The following EIF4E1B variants were observed in gnomAD, a reference collection of about 807,000 sequenced individuals.
The protein encoded by EIF4E1B is eukaryotic translation initiation factor 4E family member 1B.
In EIF4E1B, 22 loss-of-function variants were observed where a neutral mutation model predicts 31.3. That is an observed-to-expected ratio of 0.70 (90% CI 0.50 to 1.00). The LOEUF (loss-of-function observed/expected upper bound fraction) is 1.00, where lower values mean the gene tolerates loss of function less well. Among genes scored for constraint, EIF4E1B ranks in the 50% least tolerant of loss-of-function variants. EIF4E1B has a pLI of 0.00. For synonymous variants in EIF4E1B, 126 were observed against 120.2 expected (o/e 1.05, Z -0.31); for missense variants, 290 against 311.6 (o/e 0.93, Z 0.52).
chr5:176,645,335 T>C lies in EIF4E1B; in HGVS notation c.475-42T>C. 6.5e-7 allele frequency: 1 copy of C among 1,550,086 alleles called. No individual in the cohort carries two copies. The highest frequency in any genetic ancestry group is 8.7e-7 in the Non-Finnish European group (1 of 1,144,508). Reference sequence around the variant, plus strand: ...CTCAAGGATGGCAGGCCAGTCCCTATGTCCCAGCCGGTGATCTCACAACCC... The same window carrying C: ...CTCAAGGATGGCAGGCCAGTCCCTACGTCCCAGCCGGTGATCTCACAACCC... On this transcript the variant is annotated intron_variant, in intron 7 of 8. Transcript: ENST00000318682. The surrounding 1 kb of genome is among the most constrained non-coding windows in gnomAD (Gnocchi z 5.4).
Position 176,645,705 on chromosome 5 carries a change from T to G in EIF4E1B, c.615-161T>G. The G allele has an allele frequency of 1.8e-6, 2 of 1,110,148 alleles. No individual in the cohort carries two copies. Among genetic ancestry groups the G allele is most frequent in the South Asian group, 3.6e-5 (2 of 54,862 alleles). 68.8% of individuals were successfully genotyped at this position (1,110,148 alleles called of 1,614,324 possible). A position where few individuals can be genotyped will look rare whatever the true frequency, so the allele number is the denominator to read the frequency against. On this transcript the variant is annotated intron_variant, in intron 8 of 8. Transcript: ENST00000318682. The surrounding 1 kb of genome is among the most constrained non-coding windows in gnomAD (Gnocchi z 5.4). ...TTCTCTTACGGCAGTGCAGCTCTCC[T>G]TTTGCATTAAGGGGGTCATATTTTG...
In EIF4E1B at chr5:176,638,283, G is replaced by T. The variant is rs1213648492; in HGVS notation, c.-201-3760G>T. Among the ~76,000 whole-genome samples, 9 of 152,174 alleles carry T rather than the reference G, an allele frequency of 5.9e-5. No individual in the cohort carries two copies. The highest frequency in any genetic ancestry group is 5.9e-4 in the Admixed American group (9 of 15,278). On this transcript the variant is annotated intron_variant, in intron 1 of 8. Transcript: ENST00000318682. This position sits in a 1 kb window ranked among gnomAD's most constrained non-coding sequence, Gnocchi z 4.3. The stretch of plus-strand genomic sequence containing the variant: ...CATTACTGGATAAGGGCATGAAACA[G>T]CAAGTACTGACAGAACAGACAAGAG...
chr5:176,637,651 C>G (rs950668190), intron 1 of EIF4E1B, among the ~76,000 whole-genome samples: 1 of 152,042 alleles, frequency 6.6e-6, no homozygotes, highest in African/African-American at 2.4e-5. Context: ...GAGGGGACAG[C>G]CTCTGGAAGT....
intron 5 of EIF4E1B, 183 bp downstream of exon 5, chr5:176,643,917 G>C: frequency 1.6e-6 from 1 of 634,692 alleles, no homozygotes; most frequent in Non-Finnish European, 2.7e-6. Context: ...TTGGGCTCAG[G>C]GAGAGAGCCT....
intron 3 of EIF4E1B, 49 bp downstream of exon 3, chr5:176,642,851 T>TGCCCCCCCCCC: frequency 1.0e-6 from 1 of 998,544 alleles, no homozygotes; most frequent in East Asian, 5.6e-5. Flanking sequence ...CCCCGCCCTC[T>TGCCCCCCCCCC]CCCCCCCCCC....
At chr5:176,635,102 TGAAAA>T (rs1490832735) in intron 1 of EIF4E1B, among the ~76,000 whole-genome samples, 2 of 148,640 alleles carry the variant, frequency 1.3e-5, no homozygotes, top group African/African-American at 2.5e-5. Flanking sequence ...GCACGGAGAG[TGAAAA>T]GAAGAGAGTG....
Position 176,641,321 on chromosome 5 carries a change from C to A in EIF4E1B, c.-201-722C>A, listed in dbSNP as rs568794046. Reference sequence around the variant, plus strand: ...CCCGCCTGGGCAGCTGGAGTGAGACCTTGCCTGAAAACAATATAAATAAAT... The same window carrying A: ...CCCGCCTGGGCAGCTGGAGTGAGACATTGCCTGAAAACAATATAAATAAAT... On this transcript the variant is annotated intron_variant, in intron 1 of 8. Transcript: ENST00000318682. Among the ~76,000 whole-genome samples the A allele has an allele frequency of 2.0e-5, 3 of 152,216 alleles. No homozygotes were observed. The East Asian group carries it at 5.8e-4, about 29-fold the overall frequency.
Position 176,645,491 on chromosome 5 carries a change from A to C in EIF4E1B, c.589A>C (p.Asn197His). ...KIAVWTREAE[N>H]QAGVLHVGRV... ...CGCTGTGTGGACGAGGGAGGCGGAA[A>C]ACCAGGCGGGCGTGCTGCACGTTGG... Residue 197 changes from asparagine (N) to histidine (H), a missense_variant, in exon 8 of 9, where the codon AAC (asparagine) becomes CAC (histidine). Asn to His is a moderately conservative substitution (Grantham distance 68). Transcript: ENST00000318682. The surrounding 1 kb of genome is among the most constrained non-coding windows in gnomAD (Gnocchi z 5.4). 6.6e-7 allele frequency: 1 copy of C among 1,516,260 alleles called. No individual in the cohort carries two copies. Among genetic ancestry groups the C allele is most frequent in the Non-Finnish European group, 8.8e-7 (1 of 1,134,488 alleles). 93.9% of individuals were successfully genotyped at this position (1,516,260 alleles called of 1,614,324 possible). A position where few individuals can be genotyped will look rare whatever the true frequency, so the allele number is the denominator to read the frequency against.
intron 1 of EIF4E1B, among the ~76,000 whole-genome samples, chr5:176,637,926 C>T (rs1383282347): frequency 1.3e-5 from 2 of 152,110 alleles, no homozygotes; most frequent in Non-Finnish European, 2.9e-5. Context: ...GTCACTTGGG[C>T]TGGGATGGTG....
Position 176,643,218 on chromosome 5 carries a change from C to CGG in EIF4E1B, c.157_158dup (p.Pro54AlafsTer110), listed in dbSNP as rs751393132. 1.5e-5 allele frequency: 25 copies of CGG among 1,613,094 alleles called. No homozygotes were observed. Among genetic ancestry groups the CGG allele is most frequent in the South Asian group, 7.7e-5 (7 of 91,054 alleles). Reference sequence around the variant, plus strand: ...CTGTCTCTGAGAGGGAAGGCCCGGACGGGGGGCCCCATGGAAGTCAAGCTG... The same window carrying CGG: ...CTGTCTCTGAGAGGGAAGGCCCGGACGGGGGGGGCCCCATGGAAGTCAAGCTG... On this transcript the variant is annotated frameshift_variant, in exon 4 of 9. Coordinates refer to ENST00000318682, the MANE Select transcript of EIF4E1B (RefSeq NM_001099408.2). LOFTEE classifies it high-confidence loss of function.
chr5:176,645,195 G>T lies in EIF4E1B; in HGVS notation c.426G>T (p.Leu142=). The change falls in exon 7 of 9, where the codon CTG becomes CTT. Residue 142 remains leucine (L), a synonymous_variant. Coordinates refer to ENST00000318682, the MANE Select transcript of EIF4E1B (RefSeq NM_001099408.2). The surrounding 1 kb of genome is among the most constrained non-coding windows in gnomAD (Gnocchi z 5.4). ...NKRGGRWLVS[L]AKQQRHIELD... The stretch of plus-strand genomic sequence containing the variant: ...GGGGTGGCCGCTGGCTGGTCAGCCT[G>T]GCCAAGCAGCAGCGCCACATTGAGC... 1 of 1,586,578 alleles carries T rather than the reference G, an allele frequency of 6.3e-7. No homozygotes were observed. Among genetic ancestry groups the T allele is most frequent in the Non-Finnish European group, 8.6e-7 (1 of 1,166,816 alleles).
At chr5:176,643,875 G>A in intron 5 of EIF4E1B, 141 bp downstream of exon 5, 2 of 810,304 alleles carry the variant, frequency 2.5e-6, no homozygotes. Flanking sequence ...AGGGGGTATA[G>A]GGCACAACCA....
In EIF4E1B at chr5:176,646,293, C is replaced by T. The variant is rs1194178714; in HGVS notation, c.*313C>T. The stretch of plus-strand genomic sequence containing the variant: ...GTAGGCGGAGAAACCCATAGTCCAG[C>T]GTTTACTGTTTCCACCCAGGAAGGA... On this transcript the variant is annotated 3_prime_UTR_variant, in exon 9 of 9. Transcript: ENST00000318682. 3 of 286,152 alleles carry T rather than the reference C, an allele frequency of 1.0e-5. No individual in the cohort carries two copies. The highest frequency in any genetic ancestry group is 5.9e-5 in the South Asian group (1 of 16,904). 17.7% of individuals were successfully genotyped at this position (286,152 alleles called of 1,614,324 possible).
chr5:176,636,036 C>T (rs868568724), intron 1 of EIF4E1B, among the ~76,000 whole-genome samples: 28 of 152,128 alleles, frequency 1.8e-4, no homozygotes, highest in South Asian at 2.1e-4. Context: ...AGGCTGGTCT[C>T]GAACTCCTGA....
rs569776774 is a variant in EIF4E1B, at chr5:176,631,779, C to T, written c.-202+715C>T. ...AATGTTTACCAAGCATAAATGCATG[C>T]GCCTTTGGAGCCAACAGCTCCCCTT... On this transcript the variant is annotated intron_variant, in intron 1 of 8. Transcript: ENST00000318682. Among the ~76,000 whole-genome samples the T allele has an allele frequency of 2.1e-4, 32 of 152,300 alleles. No individual in the cohort carries two copies. In the East Asian group the frequency reaches 3.7e-3, roughly 17 times the overall value.
At chr5:176,637,786 A>C (rs1760518453) in intron 1 of EIF4E1B, among the ~76,000 whole-genome samples, 1 of 152,166 alleles carries the variant, frequency 6.6e-6, no homozygotes, top group South Asian at 2.1e-4. Context: ...CGCTGTGAGC[A>C]GAGGAGGGAG....
Position 176,643,625 on chromosome 5 carries a change from C to A in EIF4E1B, c.201-14C>A, listed in dbSNP as rs371588640. ...CTCTGCTTCCTCCTGGCTGCCTCCC[C>A]CTTCCCCTACCAGGTGGGCTCTGTG... On this transcript the variant is annotated splice_polypyrimidine_tract_variant and intron_variant, in intron 4 of 8. Coordinates refer to ENST00000318682, the MANE Select transcript of EIF4E1B (RefSeq NM_001099408.2). 2.5e-6 allele frequency: 4 copies of A among 1,595,512 alleles called. No homozygotes were observed. Among genetic ancestry groups the A allele is most frequent in the East Asian group, 4.5e-5 (2 of 44,060 alleles).
chr5:176,645,808 C>G lies in EIF4E1B; in HGVS notation c.615-58C>G. The stretch of plus-strand genomic sequence containing the variant: ...AGGAGTCTGGTGGCCTAAGTTATCT[C>G]TAGGACCCTCTGATGACTACCTGTG... On this transcript the variant is annotated intron_variant, in intron 8 of 8. Transcript: ENST00000318682. This position sits in a 1 kb window ranked among gnomAD's most constrained non-coding sequence, Gnocchi z 5.4. 6.9e-7 allele frequency: 1 copy of G among 1,447,480 alleles called. No homozygotes were observed. The highest frequency in any genetic ancestry group is 2.2e-5 in the Admixed American group (1 of 44,528). 89.7% of individuals were successfully genotyped at this position (1,447,480 alleles called of 1,614,324 possible). A position where few individuals can be genotyped will look rare whatever the true frequency, so the allele number is the denominator to read the frequency against.
chr5:176,642,862 C>CAA, intron 3 of EIF4E1B, 60 bp downstream of exon 3: 1 of 1,287,084 alleles, frequency 7.8e-7, no homozygotes, highest in Admixed American at 2.7e-5. Flanking sequence ...CCCCCCCCCC[C>CAA]CCCGCCCCAG....
Sources: gnomAD v4.1 joint callset for allele counts (sites outside exome capture counted in the v4.1 genomes callset) on GRCh38, gnomAD v4.1.1 for gene constraint, Gnocchi (gnomAD v3.1) non-coding constraint, MANE v1.5 for transcripts, NCBI Gene and HGNC (gene_info 2026-07-23, HGNC 2026-07-21) for gene names.